TBRG1: variants seen among roughly 807,000 people sequenced by gnomAD.
TBRG1 encodes the protein nuclear interactor of ARF and MDM2.
TBRG1 carries 31 observed loss-of-function variants against 44.0 expected under a neutral mutation model. The ratio of observed to expected loss-of-function variants is 0.70; its 90% CI spans 0.53 to 0.95. The LOEUF is 0.95. Ranked by LOEUF, TBRG1 falls within the 40% of genes least tolerant of loss-of-function variation. TBRG1 has a pLI of 0.00. For synonymous variants in TBRG1, 171 were observed against 188.1 expected (o/e 0.91, Z 0.74); for missense variants, 487 against 496.1 (o/e 0.98, Z 0.18).
Position 124,623,023 on chromosome 11 carries a change from G to C in TBRG1, c.-61G>C. On this transcript the variant is annotated 5_prime_UTR_variant, in exon 1 of 9. Coordinates refer to ENST00000441174, the MANE Select transcript of TBRG1 (RefSeq NM_032811.3). ...ACAGACAAAGCCAGCGCTCCCGCCC[G>C]CTCCCCGACTTAGGATCCGATGCCG... 1.4e-6 allele frequency: 2 copies of C among 1,466,582 alleles called. No individual in the cohort carries two copies. The highest frequency in any genetic ancestry group is 2.6e-5 in the Admixed American group (1 of 38,624). 90.8% of individuals were successfully genotyped at this position (1,466,582 alleles called of 1,614,324 possible).
At chr11:124,628,143 A>ACT (rs1942525939) in intron 5 of TBRG1, among the ~76,000 whole-genome samples, 2 of 142,412 alleles carry the variant, frequency 1.4e-5, no homozygotes, top group Admixed American at 1.4e-4. Flanking sequence ...ACACACACAC[A>ACT]CACAGACTAA....
Position 124,634,597 on chromosome 11 carries a change from T to C in TBRG1, c.*2359T>C, listed in dbSNP as rs750988327. ...AAGAAATAACTGGACGAGTGTGGTA[T>C]GATGTTTGCATGTGATATTCATTAC... is the stretch of plus-strand genomic sequence containing the variant. On this transcript the variant is annotated 3_prime_UTR_variant, in exon 9 of 9. Coordinates refer to ENST00000441174, the MANE Select transcript of TBRG1 (RefSeq NM_032811.3). 2.6e-4 allele frequency: 40 copies of C among 152,200 alleles called. No individual in the cohort carries two copies. Among genetic ancestry groups the C allele is most frequent in the Non-Finnish European group, 5.4e-4 (37 of 68,032 alleles). The allele number at this position is 152,200 out of a possible 1,614,324, so 9.4% of individuals were successfully genotyped here.
chr11:124,626,998 A>G lies in TBRG1; in HGVS notation c.686A>G (p.Asp229Gly), dbSNP rs776016572. 3 of 1,568,460 alleles carry G rather than the reference A, an allele frequency of 1.9e-6. No individual in the cohort carries two copies. The highest frequency in any genetic ancestry group is 1.9e-5 in the Admixed American group (1 of 53,330). Reference protein sequence around the residue: ...TRIYASMKCPDQKCLYTCQIK... With the variant: ...TRIYASMKCPGQKCLYTCQIK... Reference sequence around the variant, plus strand: ...ATATATGCCAGCATGAAGTGCCCAGACCAGAAGTGTCTATATACCTGTCAG... The same window carrying G: ...ATATATGCCAGCATGAAGTGCCCAGGCCAGAAGTGTCTATATACCTGTCAG... Residue 229 changes from aspartate to glycine, a missense_variant, in exon 5 of 9, where the codon GAC (aspartate) becomes GGC (glycine). By Grantham distance (94) the Asp-to-Gly change is moderately conservative. Transcript: ENST00000441174.
Position 124,624,990 on chromosome 11 carries a change from A to C in TBRG1, c.210A>C (p.Lys70Asn), listed in dbSNP as rs1300134691. 6.5e-7 allele frequency: 1 copy of C among 1,547,774 alleles called. No individual in the cohort carries two copies. Among genetic ancestry groups the C allele is most frequent in the African/African-American group, 1.4e-5 (1 of 72,918 alleles). Reference sequence around the variant, plus strand: ...TTGAGGAAAAATTTCTTAAAGCAAAAGAAGAAAGAAGGTGAGCTGGCTTCA... The same window carrying C: ...TTGAGGAAAAATTTCTTAAAGCAAACGAAGAAAGAAGGTGAGCTGGCTTCA... ...ARLEEKFLKA[K>N]EERRYLLKKL... The change falls in exon 2 of 9, where the codon AAA becomes AAC. Residue 70 changes from lysine to asparagine, a missense_variant. Coordinates refer to ENST00000441174, the MANE Select transcript of TBRG1 (RefSeq NM_032811.3).
intron 8 of TBRG1, chr11:124,631,873 T>C: frequency 2.0e-6 from 1 of 491,754 alleles, no homozygotes; most frequent in Non-Finnish European, 3.6e-6. Flanking sequence ...ATTGAAATTC[T>C]CACTCTTTGC....
rs1265896738 is a variant in TBRG1 at position 124,635,324 on chromosome 11, G to T, written c.*3086G>T. ...AGTTGAATGCTAGGAAGTCCTCAGG[G>T]GAGCCAACGTTCCTTGTAAAGTGTG... On this transcript the variant is annotated 3_prime_UTR_variant, in exon 9 of 9. Transcript: ENST00000441174. 6.6e-6 allele frequency: 1 copy of T among 152,118 alleles called. No homozygotes were observed. Among genetic ancestry groups the T allele is most frequent in the Non-Finnish European group, 1.5e-5 (1 of 68,010 alleles). The allele number at this position is 152,118 out of a possible 1,614,324, so 9.4% of individuals were successfully genotyped here.
intron 1 of TBRG1, 75 bp from the exon 2 acceptor site, chr11:124,624,856 T>A (rs1942424755): frequency 2.9e-6 from 3 of 1,040,816 alleles, no homozygotes; most frequent in Non-Finnish European, 4.3e-6. Flanking sequence ...GTTTGAAATA[T>A]GGATCCTCTT....
chr11:124,623,768 C>T (rs1187707896), intron 1 of TBRG1, among the ~76,000 whole-genome samples: 2 of 151,812 alleles, frequency 1.3e-5, no homozygotes, highest in African/African-American at 2.4e-5. Context: ...TCAGTAATTT[C>T]CCCCCTCTAA....
At chr11:124,625,493 T>A (rs1416405465) in intron 2 of TBRG1, among the ~76,000 whole-genome samples, 178 bp from the exon 3 acceptor site, 1 of 152,260 alleles carries the variant, frequency 6.6e-6, no homozygotes, top group Non-Finnish European at 1.5e-5. Flanking sequence ...ATCCTTGGCC[T>A]CTTGAAGTAT....
In TBRG1 at chr11:124,626,529, C is replaced by G. The variant is rs1287516997; in HGVS notation, c.511C>G (p.Gln171Glu). 2 of 1,551,134 alleles carry G rather than the reference C, an allele frequency of 1.3e-6. No individual in the cohort carries two copies. The highest frequency in any genetic ancestry group is 3.9e-5 in the Admixed American group (2 of 50,936). Reference sequence around the variant, plus strand: ...GGCGGGAGGTGCTCGCAAGCTGGTTCAGCCCATTGCCCTGGATCCCTCAGG... The same window carrying G: ...GGCGGGAGGTGCTCGCAAGCTGGTTGAGCCCATTGCCCTGGATCCCTCAGG... Reference protein sequence around the residue: ...KMAGGARKLVQPIALDPSGRP... With the variant: ...KMAGGARKLVEPIALDPSGRP... The change falls in exon 4 of 9, where the codon CAG becomes GAG. Residue 171 changes from glutamine (Q) to glutamate (E), a missense_variant. Transcript: ENST00000441174.
intron 2 of TBRG1, 107 bp downstream of exon 2, chr11:124,625,108 C>T (rs1372937415): frequency 1.2e-5 from 9 of 754,608 alleles, no homozygotes; most frequent in South Asian, 3.5e-5. Flanking sequence ...GGGATTGATG[C>T]GTATCGCACA....
Position 124,626,528 on chromosome 11 carries a change from T to C in TBRG1, c.510T>C (p.Val170=). The change falls in exon 4 of 9, where the codon GTT becomes GTC. Residue 170 remains valine (V), a synonymous_variant. Coordinates refer to ENST00000441174, the MANE Select transcript of TBRG1 (RefSeq NM_032811.3). The stretch of plus-strand genomic sequence containing the variant: ...TGGCGGGAGGTGCTCGCAAGCTGGT[T>C]CAGCCCATTGCCCTGGATCCCTCAG... ...KKMAGGARKL[V]QPIALDPSGR... is the part of the protein sequence containing the mutation. 2 of 1,551,250 alleles carry C rather than the reference T, an allele frequency of 1.3e-6. No homozygotes were observed. The highest frequency in any genetic ancestry group is 1.7e-6 in the Non-Finnish European group (2 of 1,146,726).
Position 124,623,166 on chromosome 11 carries a change from A to T in TBRG1, c.83A>T (p.Lys28Met). The change falls in exon 1 of 9, where the codon AAG (lysine) becomes ATG (methionine). Residue 28 changes from lysine (K) to methionine (M), a missense_variant. By Grantham distance (95) the Lys-to-Met change is moderately conservative (BLOSUM62 -1). Coordinates refer to ENST00000441174, the MANE Select transcript of TBRG1 (RefSeq NM_032811.3). ...SKARMKKLPK[K>M]SQNEKYRLKY... is the part of the protein sequence containing the mutation. ...GCCAGGATGAAAAAGCTCCCGAAGAAGAGCCAGAATGAGAAGTACCGGCTG... is the reference window on the plus strand; with the variant it reads ...GCCAGGATGAAAAAGCTCCCGAAGATGAGCCAGAATGAGAAGTACCGGCTG... 6.4e-7 allele frequency: 1 copy of T among 1,551,722 alleles called. No homozygotes were observed. Among genetic ancestry groups the T allele is most frequent in the Non-Finnish European group, 8.7e-7 (1 of 1,147,004 alleles).
intron 1 of TBRG1, 193 bp downstream of exon 1, chr11:124,623,426 G>T (rs1014543798): frequency 2.8e-6 from 2 of 713,312 alleles, no homozygotes; most frequent in African/African-American, 1.7e-5. Flanking sequence ...AAATGAGCTA[G>T]TAACTGTCTT....
chr11:124,627,937 A>G (rs1242083221), intron 5 of TBRG1, among the ~76,000 whole-genome samples: 1 of 151,696 alleles, frequency 6.6e-6, no homozygotes. Flanking sequence ...AACATTTTTG[A>G]AAAAGAAGAA....
rs1490701422 is a variant in TBRG1, at chr11:124,630,110, A to G, written c.739-278A>G. 2.3e-4 allele frequency: 75 copies of G among 319,996 alleles called. 1 individual carries two copies. Among genetic ancestry groups the G allele is most frequent in the Non-Finnish European group, 4.9e-5 (8 of 163,730 alleles). 19.8% of individuals were successfully genotyped at this position (319,996 alleles called of 1,614,324 possible). On this transcript the variant is annotated intron_variant, in intron 5 of 8. Transcript: ENST00000441174. ...ATACCATTTGTATTTGTACTTAAGG[A>G]TATAAATAAGTGGATTGGAAAGGTA...
rs376646498 is a variant in TBRG1, at chr11:124,632,273, G to T, written c.*35G>T. Reference sequence around the variant, plus strand: ...GATCAGATGCCACATCGTTTTTGTCGTGATTAATTTAACTTAAACTAAAAT... The same window carrying T: ...GATCAGATGCCACATCGTTTTTGTCTTGATTAATTTAACTTAAACTAAAAT... On this transcript the variant is annotated 3_prime_UTR_variant, in exon 9 of 9. Transcript: ENST00000441174. The T allele has an allele frequency of 6.3e-7, 1 of 1,597,924 alleles. No individual in the cohort carries two copies. The highest frequency in any genetic ancestry group is 1.3e-5 in the African/African-American group (1 of 74,264).
At chr11:124,629,336 C>T (rs1470252198) in intron 5 of TBRG1, among the ~76,000 whole-genome samples, 2 of 150,778 alleles carry the variant, frequency 1.3e-5, no homozygotes, top group African/African-American at 4.9e-5. Flanking sequence ...AAGATTCCAT[C>T]TCAAAAAAAA....
chr11:124,634,033 C>A lies in TBRG1; in HGVS notation c.*1795C>A, dbSNP rs982380133. The A allele has an allele frequency of 2.0e-5, 3 of 152,200 alleles. No individual in the cohort carries two copies. The highest frequency in any genetic ancestry group is 7.2e-5 in the African/African-American group (3 of 41,440). 9.4% of individuals were successfully genotyped at this position (152,200 alleles called of 1,614,324 possible). On this transcript the variant is annotated 3_prime_UTR_variant, in exon 9 of 9. Transcript: ENST00000441174. ...TGAAGATATGTGTAAAATGTTTTTACTATGGATCATGGATTTAAGAAACTT... is the reference window on the plus strand; with the variant it reads ...TGAAGATATGTGTAAAATGTTTTTAATATGGATCATGGATTTAAGAAACTT...
Sources: allele counts gnomAD v4.1 joint callset (sites outside exome capture counted in the v4.1 genomes callset), GRCh38; gene constraint gnomAD v4.1.1; transcripts MANE v1.5; gene names NCBI Gene and HGNC (gene_info 2026-07-23, HGNC 2026-07-21).